Variants in ABHD12 observed in about 807,000 individuals in gnomAD.
ABHD12 encodes the protein abhydrolase domain containing 12, lysophospholipase.
ABHD12 carries 43 observed loss-of-function variants against 58.3 expected under a neutral mutation model. That is an observed-to-expected ratio of 0.74 (90% CI 0.58 to 0.95). ABHD12 has a LOEUF of 0.95. Ranked by LOEUF, ABHD12 falls within the 40% of genes least tolerant of loss-of-function variation. ABHD12 has a pLI of 0.00. For synonymous variants in ABHD12, 219 were observed against 211.2 expected (o/e 1.04, Z -0.32); for missense variants, 539 against 537.2 (o/e 1.00, Z -0.03).
chr20:25,305,447 C>T (rs1242377131), intron 10 of ABHD12, among the ~76,000 whole-genome samples: 1 of 151,146 alleles, frequency 6.6e-6, no homozygotes, highest in African/African-American at 2.4e-5. Flanking sequence ...ACTACAACCT[C>T]TGCCTCCCGG....
intron 2 of ABHD12, among the ~76,000 whole-genome samples, chr20:25,326,746 AAAC>A (rs35210969): frequency 0.54 from 81,690 of 151,266 alleles, 22,616 homozygotes; most frequent in Admixed American, 0.61. Context: ...CTTCAAAAAA[AAAC>A]AACAACAACA....
chr20:25,333,745 C>A (rs1433513594), intron 2 of ABHD12, among the ~76,000 whole-genome samples: 3 of 151,776 alleles, frequency 2.0e-5, no homozygotes, highest in Non-Finnish European at 2.9e-5. Flanking sequence ...AGGCCTCTGA[C>A]AAAATTCAAC....
At chr20:25,310,864 C>A (rs1396301698) in intron 6 of ABHD12, among the ~76,000 whole-genome samples, 3 of 152,160 alleles carry the variant, frequency 2.0e-5, no homozygotes, top group African/African-American at 7.2e-5. Context: ...CAATTAGAAA[C>A]GTAGACTCCA....
downstream of ABHD12, chr20:25,296,301 G>A: frequency 2.5e-6 from 4 of 1,574,904 alleles, no homozygotes; most frequent in South Asian, 1.1e-5. Context: ...CTAAAGTTCT[G>A]GAATCCCATG....
At chr20:25,388,857 C>T (rs1413511579) in intron 1 of ABHD12, among the ~76,000 whole-genome samples, 1 of 138,450 alleles carries the variant, frequency 7.2e-6, no homozygotes, top group Admixed American at 8.7e-5. Context: ...GGTGCGATCT[C>T]GGTTCGGCGA....
At chr20:25,374,724 T>C (rs932122785) in intron 1 of ABHD12, among the ~76,000 whole-genome samples, 3 of 152,138 alleles carry the variant, frequency 2.0e-5, no homozygotes, top group Non-Finnish European at 4.4e-5. Context: ...GGTCTCAAAC[T>C]CCTTACCTCA....
At chr20:25,382,163 AC>A (rs956483691) in intron 1 of ABHD12, among the ~76,000 whole-genome samples, 4 of 152,044 alleles carry the variant, frequency 2.6e-5, no homozygotes, top group Non-Finnish European at 5.9e-5. Context: ...GAATCTGAAA[AC>A]TCACCTGAGA....
chr20:25,339,033 C>T (rs2089417888), intron 2 of ABHD12, 194 bp downstream of exon 2: 1 of 1,375,638 alleles, frequency 7.3e-7, no homozygotes, highest in Non-Finnish European at 9.4e-7. Context: ...CATTCTAGTT[C>T]TCAATCTGGG....
chr20:25,300,999 A>C, intron 12 of ABHD12, 115 bp from the exon 13 acceptor site: 1 of 1,112,290 alleles, frequency 9.0e-7, no homozygotes, highest in Non-Finnish European at 1.3e-6. Flanking sequence ...GAGGCAGCCA[A>C]GAGCCCCATG....
chr20:25,348,385 A>T (rs2089549137), intron 1 of ABHD12, among the ~76,000 whole-genome samples: 1 of 151,870 alleles, frequency 6.6e-6, no homozygotes, highest in Non-Finnish European at 1.5e-5. Flanking sequence ...TTTAATAAAG[A>T]ATACTATGTA....
intron 6 of ABHD12, among the ~76,000 whole-genome samples, chr20:25,312,375 T>G (rs942201311): frequency 6.6e-5 from 10 of 152,184 alleles, no homozygotes; most frequent in Non-Finnish European, 1.5e-4. Flanking sequence ...GAGACGGGGT[T>G]TCGCTGTGTT....
At chr20:25,371,575 G>C (rs984820913) in intron 1 of ABHD12, among the ~76,000 whole-genome samples, 2 of 152,136 alleles carry the variant, frequency 1.3e-5, no homozygotes, top group African/African-American at 4.8e-5. Flanking sequence ...TCTATAAAAT[G>C]GGGACTGACC....
chr20:25,301,217 T>C (rs1348795258), intron 12 of ABHD12, among the ~76,000 whole-genome samples: 3 of 152,240 alleles, frequency 2.0e-5, no homozygotes, highest in Non-Finnish European at 2.9e-5. Context: ...ACCCATACTC[T>C]GAGCCCACTG....
intron 2 of ABHD12, among the ~76,000 whole-genome samples, chr20:25,324,510 A>G (rs998830595): frequency 6.6e-6 from 1 of 152,242 alleles, no homozygotes; most frequent in East Asian, 1.9e-4. Context: ...AACTCCCAAA[A>G]GAGGCAATGA....
chr20:25,345,086 CTT>C (rs766065775), intron 1 of ABHD12, among the ~76,000 whole-genome samples: 4 of 145,360 alleles, frequency 2.8e-5, no homozygotes, highest in African/African-American at 5.0e-5. Flanking sequence ...ATGACGAAGA[CTT>C]TTTTTTTTTT....
rs776800006 is a variant in ABHD12, at chr20:25,306,909, G to A, written c.874C>T (p.Arg292Ter). ...AACCAGTCAAACCCAGGGAAGTATC[G>A]ATATATCTGGAGACAAGATGGAAAC... ...AKSHPFSVIY[R>*]YFPGFDWFFL... The change falls in exon 10 of 13, where the codon CGA (arginine) becomes TGA (stop). Residue 292 changes from arginine to a stop codon, truncating the protein, a stop_gained. Coordinates refer to ENST00000339157, the MANE Select transcript of ABHD12 (RefSeq NM_001042472.3). LOFTEE classifies it high-confidence loss of function. The A allele has an allele frequency of 8.1e-6, 13 of 1,608,556 alleles. No individual in the cohort carries two copies. The highest frequency in any genetic ancestry group is 7.7e-5 in the South Asian group (7 of 90,982).
intron 1 of ABHD12, among the ~76,000 whole-genome samples, chr20:25,382,421 G>T (rs6083824): frequency 6.6e-6 from 1 of 151,854 alleles, no homozygotes; most frequent in East Asian, 1.9e-4. Flanking sequence ...GTCCTGTGGC[G>T]TCATCTCTGG....
intron 1 of ABHD12, among the ~76,000 whole-genome samples, chr20:25,363,822 G>A (rs1398641092): frequency 1.3e-5 from 2 of 151,948 alleles, no homozygotes; most frequent in Non-Finnish European, 2.9e-5. Context: ...TTGAGATTGC[G>A]CCATTGCACT....
intron 1 of ABHD12, among the ~76,000 whole-genome samples, chr20:25,347,052 G>C (rs1394470110): frequency 6.6e-6 from 1 of 152,102 alleles, no homozygotes; most frequent in Non-Finnish European, 1.5e-5. Flanking sequence ...AGATGAGGGT[G>C]GTACGAGAAT....
Sources: allele counts gnomAD v4.1 joint callset (sites outside exome capture counted in the v4.1 genomes callset), GRCh38; gene constraint gnomAD v4.1.1; transcripts MANE v1.5; gene names NCBI Gene and HGNC (gene_info 2026-07-23, HGNC 2026-07-21).